Variants in CRIM1 observed in about 807,000 individuals in gnomAD.
The protein encoded by CRIM1 is cysteine rich transmembrane BMP regulator 1.
Under a neutral mutation model 116.4 loss-of-function variants are expected in CRIM1, and 32 were observed. The observed-to-expected ratio is 0.27, with a 90% confidence interval of 0.21 to 0.37. CRIM1 has a LOEUF of 0.37. Among genes scored for constraint, CRIM1 ranks in the 10% least tolerant of loss-of-function variants. The pLI is 1.00. For synonymous variants in CRIM1, 590 were observed against 509.2 expected, an observed-to-expected ratio of 1.16 and a Z score of -2.13; for missense variants, 1,331 against 1,354.8, an observed-to-expected ratio of 0.98 and a Z score of 0.28.
chr2:36,513,836 T>A, intron 11 of CRIM1, 71 bp downstream of exon 11: 1 of 1,403,534 alleles, frequency 7.1e-7, no homozygotes. Flanking sequence ...TAGACACATT[T>A]GTAACTCTGG....
chr2:36,461,918 G>T (rs1677609511), intron 4 of CRIM1, among the ~76,000 whole-genome samples: 1 of 152,116 alleles, frequency 6.6e-6, no homozygotes, highest in Non-Finnish European at 1.5e-5. Context: ...TTTACCTTTT[G>T]TGGTTCTTTC....
intron 4 of CRIM1, among the ~76,000 whole-genome samples, chr2:36,463,521 C>T (rs980160817): frequency 2.0e-5 from 3 of 152,082 alleles, no homozygotes; most frequent in African/African-American, 7.2e-5. Flanking sequence ...TGGGAACTCC[C>T]GCCGTCATCT....
intron 1 of CRIM1, among the ~76,000 whole-genome samples, chr2:36,372,762 CT>C (rs1670025119): frequency 6.6e-6 from 1 of 152,140 alleles, no homozygotes. Flanking sequence ...TGGTTGGTGG[CT>C]TTCCCAGTAG....
At chr2:36,511,532 C>T (rs1449240812) in intron 9 of CRIM1, among the ~76,000 whole-genome samples, 1 of 152,152 alleles carries the variant, frequency 6.6e-6, no homozygotes, top group Non-Finnish European at 1.5e-5. Context: ...TAGCTTCAAC[C>T]ACTTGCTACA....
intron 2 of CRIM1, among the ~76,000 whole-genome samples, chr2:36,436,328 A>G (rs1406696993): frequency 6.6e-6 from 1 of 152,186 alleles, no homozygotes; most frequent in African/African-American, 2.4e-5. Flanking sequence ...ATTTATTGAA[A>G]GGTGAATAGA....
chr2:36,483,619 A>C (rs148921852), intron 7 of CRIM1, among the ~76,000 whole-genome samples: 2 of 152,214 alleles, frequency 1.3e-5, no homozygotes, highest in African/African-American at 2.4e-5. Context: ...GCTGCAGTGC[A>C]TTATACCCTG....
At chr2:36,496,693 T>G (rs928364982) in intron 7 of CRIM1, among the ~76,000 whole-genome samples, 2 of 152,196 alleles carry the variant, frequency 1.3e-5, no homozygotes, top group African/African-American at 4.8e-5. Context: ...TGAACATATT[T>G]CCTCTCCTGG....
At chr2:36,506,490 G>A (rs1195377200) in intron 8 of CRIM1, among the ~76,000 whole-genome samples, 2 of 152,082 alleles carry the variant, frequency 1.3e-5, no homozygotes, top group Non-Finnish European at 2.9e-5. Flanking sequence ...CTCCATGGAG[G>A]TTACGTTGTA....
In CRIM1 at chr2:36,513,594, A is replaced by C. The variant is rs1369284348; in HGVS notation, c.1819A>C (p.Thr607Pro). The change falls in exon 11 of 17, where the codon ACT becomes CCT. Residue 607 changes from threonine to proline, a missense_variant. Around this residue, in one of 3 missense-constraint regions of CRIM1, gnomAD observed 358 missense variants for 436.1 expected, o/e 0.82. Transcript: ENST00000280527. ...AGCTGGGCCACCCATCCTGTCGGGCACTTGTCTCACCGTGGATGGTCATCA... is the reference window on the plus strand; with the variant it reads ...AGCTGGGCCACCCATCCTGTCGGGCCCTTGTCTCACCGTGGATGGTCATCA... ...ASAGPPILSG[T>P]CLTVDGHHHK... 1.2e-6 allele frequency: 2 copies of C among 1,614,132 alleles called. No homozygotes were observed. The highest frequency in any genetic ancestry group is 2.2e-5 in the East Asian group (1 of 44,878).
At chr2:36,516,886 A>G (rs1665063498) in intron 11 of CRIM1, among the ~76,000 whole-genome samples, 1 of 152,204 alleles carries the variant, frequency 6.6e-6, no homozygotes, top group African/African-American at 2.4e-5. Flanking sequence ...CATGCATAAA[A>G]TAAGGTGACT....
Position 36,498,121 on chromosome 2 carries a change from G to C in CRIM1, c.1373-1098G>C, listed in dbSNP as rs142058267. On this transcript the variant is annotated intron_variant, in intron 7 of 16. Coordinates refer to ENST00000280527, the MANE Select transcript of CRIM1 (RefSeq NM_016441.3). Reference sequence around the variant, plus strand: ...GTGAGCAACAGCTTACTTTGAAGACGTTAGTATATTTTTGTTGAAAAGATG... The same window carrying C: ...GTGAGCAACAGCTTACTTTGAAGACCTTAGTATATTTTTGTTGAAAAGATG... Among the ~76,000 whole-genome samples the C allele has an allele frequency of 2.0e-5, 3 of 152,288 alleles. No individual in the cohort carries two copies. In the South Asian group the frequency reaches 6.2e-4, roughly 32 times the overall value.
intron 7 of CRIM1, among the ~76,000 whole-genome samples, chr2:36,493,991 G>C (rs1248980236): frequency 1.3e-5 from 2 of 152,130 alleles, no homozygotes; most frequent in Non-Finnish European, 2.9e-5. Flanking sequence ...GGCTGAATTT[G>C]AGTTTCAGCT....
At chr2:36,454,701 C>T (rs1233350272) in intron 4 of CRIM1, among the ~76,000 whole-genome samples, 1 of 152,150 alleles carries the variant, frequency 6.6e-6, no homozygotes, top group East Asian at 1.9e-4. Flanking sequence ...AACTGGCATA[C>T]TTCACGTAAA....
intron 13 of CRIM1, among the ~76,000 whole-genome samples, chr2:36,536,229 G>T (rs1438365637): frequency 1.3e-5 from 2 of 152,214 alleles, no homozygotes; most frequent in Non-Finnish European, 2.9e-5. Flanking sequence ...GTCGTGCCCT[G>T]AGATGTGCTG....
chr2:36,510,122 T>C lies in CRIM1; in HGVS notation c.1641T>C (p.Tyr547=). The C allele has an allele frequency of 1.2e-6, 2 of 1,613,598 alleles. No individual in the cohort carries two copies. Among genetic ancestry groups the C allele is most frequent in the East Asian group, 2.2e-5 (1 of 44,890 alleles). ...GCAGACCCATAATCTGTGACAAGTA[T>C]TGTCCACTTGGATTGCTGTACGTAT... ...KKCRPIICDK[Y]CPLGLLKNKH... is the part of the protein sequence containing the mutation. Residue 547 remains tyrosine, a synonymous_variant, in exon 9 of 17, where the codon TAT becomes TAC. Coordinates refer to ENST00000280527, the MANE Select transcript of CRIM1 (RefSeq NM_016441.3).
chr2:36,503,353 CA>C (rs1681135732), intron 8 of CRIM1, among the ~76,000 whole-genome samples: 1 of 152,182 alleles, frequency 6.6e-6, no homozygotes, highest in Non-Finnish European at 1.5e-5. Flanking sequence ...TCTGTGTCCA[CA>C]TATGTAAAGG....
chr2:36,510,199 C>T, intron 9 of CRIM1, 60 bp downstream of exon 9: 1 of 1,504,688 alleles, frequency 6.6e-7, no homozygotes, highest in South Asian at 1.2e-5. Context: ...AATGTTTCTA[C>T]ACATTTTGTT....
chr2:36,462,875 G>C (rs976278336), intron 4 of CRIM1, among the ~76,000 whole-genome samples: 1 of 152,156 alleles, frequency 6.6e-6, no homozygotes, highest in Non-Finnish European at 1.5e-5. Flanking sequence ...GGATATAAGC[G>C]TGACAAAGTA....
Position 36,479,545 on chromosome 2 carries a change from T to C in CRIM1, c.1223T>C (p.Leu408Pro). The change falls in exon 7 of 17, where the codon CTG becomes CCG. Residue 408 changes from leucine (L) to proline (P), a missense_variant. By Grantham distance (98) the Leu-to-Pro change is moderately conservative. Coordinates refer to ENST00000280527, the MANE Select transcript of CRIM1 (RefSeq NM_016441.3). ...NNPAGCYANG[L>P]ILAHGDRWRE... ...CCCGCTGGCTGCTATGCCAATGGCC[T>C]GATCCTTGCCCACGGAGACCGGTGG... is the stretch of plus-strand genomic sequence containing the variant. 6.2e-7 allele frequency: 1 copy of C among 1,614,244 alleles called. No homozygotes were observed. Among genetic ancestry groups the C allele is most frequent in the Non-Finnish European group, 8.5e-7 (1 of 1,180,032 alleles).
Sources: allele counts gnomAD v4.1 joint callset (sites outside exome capture counted in the v4.1 genomes callset), GRCh38; gene constraint gnomAD v4.1.1; regional missense constraint gnomAD v4.1.1; transcripts MANE v1.5; gene names NCBI Gene and HGNC (gene_info 2026-07-23, HGNC 2026-07-21).